Variants in ATAD3B observed in about 807,000 individuals in gnomAD.
ATAD3B encodes the protein ATPase family AAA domain containing 3B.
In ATAD3B, 59 loss-of-function variants were observed where a neutral mutation model predicts 70.2. That is an observed-to-expected ratio of 0.84 (90% CI 0.68 to 1.04). The LOEUF is 1.04. Among genes scored for constraint, ATAD3B ranks in the 50% least tolerant of loss-of-function variants. The probability of loss-of-function intolerance (pLI) is 0.00; values close to 1 mark genes in which losing one functional copy is unlikely to be tolerated. For missense variants in ATAD3B, 961 were observed against 913.4 expected (o/e 1.05, Z -0.67); for synonymous variants, 423 against 388.6 (o/e 1.09, Z -1.04).
chr1:1,477,450 A>C, intron 2 of ATAD3B, 100 bp downstream of exon 2: 1 of 1,569,944 alleles, frequency 6.4e-7, no homozygotes, highest in Non-Finnish European at 8.7e-7. Context: ...AGGGGCGTGT[A>C]CATGGGCAGC....
intron 8 of ATAD3B, 69 bp downstream of exon 8, chr1:1,485,240 G>C: frequency 6.3e-7 from 1 of 1,580,464 alleles, no homozygotes; most frequent in Non-Finnish European, 8.6e-7. Flanking sequence ...CACGAGCACA[G>C]CCCACGCACA....
In ATAD3B at chr1:1,475,277, A is replaced by G. The variant is rs548241910; in HGVS notation, c.206-1997A>G. Among the ~76,000 whole-genome samples, 91 of 150,870 alleles carry G rather than the reference A, an allele frequency of 6.0e-4. 4 individuals carry two copies. The highest frequency in any genetic ancestry group is 2.2e-3 in the African/African-American group (90 of 40,814). ...TTGTGTTCCAGGTGTGGGCTCTTTC[A>G]TTTTGATCCCTTCTCTCCTTCCTGG... On this transcript the variant is annotated intron_variant, in intron 1 of 15. Transcript: ENST00000673477.
chr1:1,477,718 T>C (rs1324423040), intron 2 of ATAD3B, among the ~76,000 whole-genome samples: 1 of 150,426 alleles, frequency 6.6e-6, no homozygotes, highest in African/African-American at 2.5e-5. Context: ...TTTTATTTTA[T>C]TTATTTTGAA....
downstream of ATAD3B, among the ~76,000 whole-genome samples, chr1:1,499,260 T>C (rs971343487): frequency 9.4e-4 from 135 of 143,470 alleles, 1 homozygote; most frequent in African/African-American, 3.1e-3. Context: ...CGTGAGCCAG[T>C]GCGCCCGGCC....
rs1378527159 is a variant in ATAD3B at position 1,482,821 on chromosome 1, C to T, written c.750+207C>T. On this transcript the variant is annotated intron_variant, in intron 7 of 15. Coordinates refer to ENST00000673477, the MANE Select transcript of ATAD3B (RefSeq NM_031921.6). ...AATGCAGTTGCCAGCCTGGGCCACA[C>T]GGTGAGACCCCATCTCTACGAAGAA... 28 of 707,040 alleles carry T rather than the reference C, an allele frequency of 4.0e-5. No homozygotes were observed. In the East Asian group the frequency reaches 5.6e-4, roughly 14 times the overall value. The allele number at this position is 707,040 out of a possible 1,614,324, so 43.8% of individuals were successfully genotyped here.
In ATAD3B at chr1:1,486,843, C is replaced by T. The variant is rs964760654; in HGVS notation, c.1214+175C>T. On this transcript the variant is annotated intron_variant, in intron 11 of 15. Transcript: ENST00000673477. ...GAGGGAAAGTCCCCTGAGTGTGGAC[C>T]CTGGTGGACACGAGGTCCCCAGCGT... Among the ~76,000 whole-genome samples, 16 of 149,862 alleles carry T rather than the reference C, an allele frequency of 1.1e-4. 1 individual carries two copies. Among genetic ancestry groups the T allele is most frequent in the East Asian group, 7.7e-4 (4 of 5,162 alleles).
At chr1:1,499,656 C>T (rs1405683769), downstream of ATAD3B, among the ~76,000 whole-genome samples, 2 of 136,808 alleles carry the variant, frequency 1.5e-5, no homozygotes, top group Non-Finnish European at 3.0e-5. Context: ...TGCAGTGGCG[C>T]AATCTCTGGT....
rs1479508996 is a variant in ATAD3B, at chr1:1,485,233, G to A, written c.906+62G>A. On this transcript the variant is annotated intron_variant, in intron 8 of 15. Transcript: ENST00000673477. ...CCTGGCTGAGTCCCTTCTGCCCCAC[G>A]AGCACAGCCCACGCACACCCTCCCG... 7.5e-6 allele frequency: 12 copies of A among 1,589,892 alleles called. No homozygotes were observed. In the Admixed American group the frequency reaches 8.7e-5, roughly 11 times the overall value.
At chr1:1,472,508 T>C (rs986874079) in intron 1 of ATAD3B, among the ~76,000 whole-genome samples, 17 of 151,860 alleles carry the variant, frequency 1.1e-4, no homozygotes, top group African/African-American at 4.1e-4. Flanking sequence ...GGGAAGCGTA[T>C]TTGAGAGTTA....
At chr1:1,482,085 A>G in intron 5 of ATAD3B, 53 bp from the exon 6 acceptor site, 3 of 1,573,676 alleles carry the variant, frequency 1.9e-6, no homozygotes, top group Non-Finnish European at 2.6e-6. Flanking sequence ...GTGTGGGTGG[A>G]GGTGGACGTG....
At position 1,489,319 on chromosome 1, in the gene ATAD3B, A is replaced by G. The variant is rs752641690; in HGVS notation, c.1337+45A>G. ...CCTGAGCCCCCGGGCAGGGCTGTGC[A>G]GCCGTCGCCCTTGGTTCCCACTGAG... On this transcript the variant is annotated intron_variant, in intron 13 of 15. Transcript: ENST00000673477. 1.9e-6 allele frequency: 3 copies of G among 1,611,936 alleles called. No individual in the cohort carries two copies. In the East Asian group the frequency reaches 6.7e-5, roughly 36 times the overall value.
Position 1,479,716 on chromosome 1 carries a change from A to AC in ATAD3B, c.444+610dup, listed in dbSNP as rs1465513627. Among the ~76,000 whole-genome samples, 3 of 133,594 alleles carry AC rather than the reference A, an allele frequency of 2.2e-5. No individual in the cohort carries two copies. In the East Asian group the frequency reaches 7.2e-4, roughly 32 times the overall value. The allele number at this position is 133,594 out of a possible 152,430, so 87.6% of individuals were successfully genotyped here. A position where few individuals can be genotyped will look rare whatever the true frequency, so the allele number is the denominator to read the frequency against. On this transcript the variant is annotated intron_variant, in intron 4 of 15. Transcript: ENST00000673477. ...ACACTCCCGCATGGGGCATGCACGCACCTCCCACACACACCCGATCACACA... is the reference window on the plus strand; with the variant it reads ...ACACTCCCGCATGGGGCATGCACGCACCCTCCCACACACACCCGATCACACA...
At chr1:1,493,097 C>T (rs1640618867) in intron 15 of ATAD3B, among the ~76,000 whole-genome samples, 1 of 151,898 alleles carries the variant, frequency 6.6e-6, no homozygotes, top group African/African-American at 2.4e-5. Context: ...GGCGACAGAG[C>T]GAAACTGTCT....
At chr1:1,475,935 A>G (rs1639567033) in intron 1 of ATAD3B, among the ~76,000 whole-genome samples, 1 of 150,072 alleles carries the variant, frequency 6.7e-6, no homozygotes, top group South Asian at 2.2e-4. Context: ...GGGAGGAAAC[A>G]GGCAGAGCTC....
In ATAD3B at chr1:1,496,726, G is replaced by A. The variant is rs1384841085; in HGVS notation, c.*909G>A. 6.7e-6 allele frequency: 1 copy of A among 149,526 alleles called. No individual in the cohort carries two copies. The highest frequency in any genetic ancestry group is 1.5e-5 in the Non-Finnish European group (1 of 67,802). 9.3% of individuals were successfully genotyped at this position (149,526 alleles called of 1,614,324 possible). A position where few individuals can be genotyped will look rare whatever the true frequency, so the allele number is the denominator to read the frequency against. ...TGCCTGAATTCTGGGAGCAGAGCGT[G>A]GTACCCACTGCCTGGCTGGGGCCTA... On this transcript the variant is annotated 3_prime_UTR_variant, in exon 16 of 16. Coordinates refer to ENST00000673477, the MANE Select transcript of ATAD3B (RefSeq NM_031921.6).
At position 1,485,832 on chromosome 1, in the gene ATAD3B, G is replaced by T. The variant is rs1640181054; in HGVS notation, c.957G>T (p.Val319=). Reference sequence around the variant, plus strand: ...CCCAGGACGTGCTGGAGGGTGTTGTGCTTAGTGTAAGTCGGTGTGCCTGGG... The same window carrying T: ...CCCAGGACGTGCTGGAGGGTGTTGTTCTTAGTGTAAGTCGGTGTGCCTGGG... ...SRPQDVLEGV[V]LSPSLEARVR... The change falls in exon 9 of 16, where the codon GTG becomes GTT. Residue 319 remains valine, a synonymous_variant. Transcript: ENST00000673477. The T allele has an allele frequency of 1.9e-6, 3 of 1,612,986 alleles. No individual in the cohort carries two copies. The highest frequency in any genetic ancestry group is 2.7e-5 in the African/African-American group (2 of 74,844).
chr1:1,490,145 C>T (rs1640454749), intron 13 of ATAD3B, 112 bp from the exon 14 acceptor site: 3 of 1,493,504 alleles, frequency 2.0e-6, no homozygotes, highest in Middle Eastern at 2.1e-4. Flanking sequence ...TCACAAGCTG[C>T]CGCTTTAGAT....
rs750414819 is a variant in ATAD3B at position 1,480,869 on chromosome 1, A to G, written c.447A>G (p.Gln149=). Residue 149 remains glutamine, a splice_region_variant and synonymous_variant, in exon 5 of 16, where the codon CAA becomes CAG. Coordinates refer to ENST00000673477, the MANE Select transcript of ATAD3B (RefSeq NM_031921.6). ...CTTTTTCTGCGGCTTCTTCTCAGCA[A>G]CTTCTCAATGAGGAGAATTTACGGA... ...QRYEDQLKQQ[Q]LLNEENLRKQ... 5.0e-6 allele frequency: 8 copies of G among 1,594,334 alleles called. No homozygotes were observed. The highest frequency in any genetic ancestry group is 1.1e-5 in the South Asian group (1 of 89,646).
At chr1:1,487,437 G>A (rs1248780067) in intron 11 of ATAD3B, among the ~76,000 whole-genome samples, 3 of 150,780 alleles carry the variant, frequency 2.0e-5, no homozygotes, top group South Asian at 2.1e-4. Context: ...GCAGTGAGCC[G>A]AGATTGCGCC....
Sources: gnomAD v4.1 joint callset for allele counts (sites outside exome capture counted in the v4.1 genomes callset) on GRCh38, gnomAD v4.1.1 for gene constraint, MANE v1.5 for transcripts, NCBI Gene and HGNC (gene_info 2026-07-23, HGNC 2026-07-21) for gene names.